LRRIQ4: variants seen among roughly 807,000 people sequenced by gnomAD.
LRRIQ4 encodes leucine rich repeats and IQ motif containing 4, also known as leucine-rich repeat and IQ domain-containing protein 4.
Under a neutral mutation model 40.1 loss-of-function variants are expected in LRRIQ4, and 21 were observed. That is an observed-to-expected ratio of 0.52 (90% confidence interval 0.37 to 0.75). The LOEUF is 0.75. Ranked by LOEUF, LRRIQ4 falls within the 30% of genes least tolerant of loss-of-function variation. The pLI is 0.00. For missense variants in LRRIQ4, 655 were observed against 660.0 expected, an observed-to-expected ratio of 0.99 and a Z score of 0.08; for synonymous variants, 277 against 277.1, an observed-to-expected ratio of 1.00 and a Z score of 0.00.
chr3:169,832,951 T>G (rs1780215165), intron 4 of LRRIQ4, 36 bp from the exon 5 acceptor site: 1 of 1,569,536 alleles, frequency 6.4e-7, no homozygotes, highest in Admixed American at 1.8e-5. Context: ...TTGTTTCTTC[T>G]AAGATTGAAC....
At chr3:169,828,956 C>G (rs1411230660) in intron 3 of LRRIQ4, 24 bp downstream of exon 3, 2 of 1,580,258 alleles carry the variant, frequency 1.3e-6, no homozygotes, top group Non-Finnish European at 1.7e-6. Flanking sequence ...AATGAGCAGG[C>G]TAAGAAGCAC....
At chr3:169,823,730 G>A (rs1779972636) in intron 2 of LRRIQ4, among the ~76,000 whole-genome samples, 1 of 152,170 alleles carries the variant, frequency 6.6e-6, no homozygotes, top group African/African-American at 2.4e-5. Context: ...AGCCTTAGAA[G>A]CCTAAAGTTC....
Position 169,830,558 on chromosome 3 carries a change from C to G in LRRIQ4, c.1261C>G (p.Pro421Ala). 1 of 1,613,446 alleles carries G rather than the reference C, an allele frequency of 6.2e-7. No homozygotes were observed. The highest frequency in any genetic ancestry group is 8.5e-7 in the Non-Finnish European group (1 of 1,179,664). Reference sequence around the variant, plus strand: ...CCTGCCCGTATCCTTGGGGTCAATGCCTAACCTAGAAGTTCTTGATTGCCG... The same window carrying G: ...CCTGCCCGTATCCTTGGGGTCAATGGCTAACCTAGAAGTTCTTGATTGCCG... ...EYLPVSLGSM[P>A]NLEVLDCRHN... Residue 421 changes from proline to alanine, a missense_variant, in exon 4 of 6, where the codon CCT (proline) becomes GCT (alanine). Transcript: ENST00000340806.
At position 169,830,377 on chromosome 3, in the gene LRRIQ4, G is replaced by GAAAAA. The variant is rs56795981; in HGVS notation, c.1195-87_1195-83dup. 506 of 106,624 alleles carry GAAAAA rather than the reference G, an allele frequency of 4.7e-3. 123 individuals carry two copies. The highest frequency in any genetic ancestry group is 7.8e-3 in the Middle Eastern group (2 of 258). The allele number at this position is 106,624 out of a possible 1,614,324, so 6.6% of individuals were successfully genotyped here. A position where few individuals can be genotyped will look rare whatever the true frequency, so the allele number is the denominator to read the frequency against. On this transcript the variant is annotated intron_variant, in intron 3 of 5. Coordinates refer to ENST00000340806, the MANE Select transcript of LRRIQ4 (RefSeq NM_001080460.3). ...AATGCGTAATTTCCCCACTGAAAGT[G>GAAAAA]AAAAAAAAAAAAAAAAAAAAAAAAA...
chr3:169,837,394 C>A, intron 5 of LRRIQ4, 85 bp from the exon 6 acceptor site: 1 of 1,402,618 alleles, frequency 7.1e-7, no homozygotes, highest in Non-Finnish European at 9.6e-7. Flanking sequence ...GTCTTCAAGA[C>A]CATGTATCAG....
Position 169,814,871 on chromosome 3 carries a change from C to T in LRRIQ4, c.-32+1825C>T, listed in dbSNP as rs559131247. 5.3e-5 allele frequency among the ~76,000 whole-genome samples: 8 copies of T among 152,244 alleles called. 1 individual carries two copies. The South Asian group carries it at 1.7e-3, about 32-fold the overall frequency. On this transcript the variant is annotated intron_variant, in intron 1 of 5. Coordinates refer to ENST00000340806, the MANE Select transcript of LRRIQ4 (RefSeq NM_001080460.3). The stretch of plus-strand genomic sequence containing the variant: ...TCTGCATATGGATATCCAGTTTTCC[C>T]AGAACCGTTATTGAAGAAACTATCT...
rs779021386 is a variant in LRRIQ4 at position 169,822,257 on chromosome 3, C to G, written c.336C>G (p.Val112=). The change falls in exon 2 of 6, where the codon GTC becomes GTG. Residue 112 remains valine, a synonymous_variant. Coordinates refer to ENST00000340806, the MANE Select transcript of LRRIQ4 (RefSeq NM_001080460.3). The part of the protein sequence containing the change: ...SYNPIFSSSL[V]VVSFLHALRE... ...ACCCCATCTTCTCCTCCTCCCTTGT[C>G]GTTGTCAGCTTCCTCCACGCCCTGC... is the stretch of plus-strand genomic sequence containing the variant. 1.9e-6 allele frequency: 3 copies of G among 1,609,728 alleles called. No individual in the cohort carries two copies. Among genetic ancestry groups the G allele is most frequent in the African/African-American group, 2.7e-5 (2 of 74,844 alleles).
chr3:169,826,732 A>G (rs1780048363), intron 2 of LRRIQ4, among the ~76,000 whole-genome samples: 1 of 152,248 alleles, frequency 6.6e-6, no homozygotes, highest in Admixed American at 6.5e-5. Flanking sequence ...TTTGGACTGC[A>G]CAGAATGCAG....
In LRRIQ4 at chr3:169,833,196, C is replaced by G. The variant is rs1419801655; in HGVS notation, c.1530+13C>G. On this transcript the variant is annotated intron_variant, in intron 5 of 5. Coordinates refer to ENST00000340806, the MANE Select transcript of LRRIQ4 (RefSeq NM_001080460.3). ...AATGGCAACAAAGGTAAAATCAGCC[C>G]AGATTCTTGATAACAGTTGCTTTAG... is the stretch of plus-strand genomic sequence containing the variant. The G allele has an allele frequency of 1.2e-6, 2 of 1,604,780 alleles. No individual in the cohort carries two copies. Among genetic ancestry groups the G allele is most frequent in the African/African-American group, 2.7e-5 (2 of 74,836 alleles).
At chr3:169,820,771 A>T (rs1779869903) in intron 1 of LRRIQ4, among the ~76,000 whole-genome samples, 1 of 152,214 alleles carries the variant, frequency 6.6e-6, no homozygotes, top group South Asian at 2.1e-4. Flanking sequence ...TCACTTAGAC[A>T]GAGTTAAGCT....
At position 169,822,945 on chromosome 3, in the gene LRRIQ4, C is replaced by CG. The variant is rs1779948845; in HGVS notation, c.1020+6dup. ...GGATGACAATAAAATAGGACAGGTA[C>CG]GGATTCCTTTTCTGGCTGTCACTAT... is the stretch of plus-strand genomic sequence containing the variant. On this transcript the variant is annotated splice_donor_region_variant and intron_variant, in intron 2 of 5. Transcript: ENST00000340806. 6.6e-7 allele frequency: 1 copy of CG among 1,512,802 alleles called. No homozygotes were observed. Among genetic ancestry groups the CG allele is most frequent in the Non-Finnish European group, 8.8e-7 (1 of 1,131,586 alleles). 93.7% of individuals were successfully genotyped at this position (1,512,802 alleles called of 1,614,324 possible).
intron 2 of LRRIQ4, among the ~76,000 whole-genome samples, chr3:169,825,249 G>T (rs1274389879): frequency 6.6e-6 from 1 of 151,844 alleles, no homozygotes. Flanking sequence ...CTCATGATCT[G>T]CCCACCTCAG....
chr3:169,821,890 G>C lies in LRRIQ4; in HGVS notation c.-31-1G>C. The stretch of plus-strand genomic sequence containing the variant: ...TTTTCATCCTTTTCACAATATTTCA[G>C]ATTTTGAATATTTGAGCTTTTCTTC... On this transcript the variant is annotated splice_acceptor_variant, in intron 1 of 5. Coordinates refer to ENST00000340806, the MANE Select transcript of LRRIQ4 (RefSeq NM_001080460.3). LOFTEE classifies it low-confidence loss of function (5UTR_SPLICE). 7.4e-7 allele frequency: 1 copy of C among 1,352,884 alleles called. No individual in the cohort carries two copies. The highest frequency in any genetic ancestry group is 9.7e-7 in the Non-Finnish European group (1 of 1,031,572). 83.8% of individuals were successfully genotyped at this position (1,352,884 alleles called of 1,614,324 possible).
At chr3:169,828,987 G>A (rs1466702289) in intron 3 of LRRIQ4, 55 bp downstream of exon 3, 1 of 1,496,770 alleles carries the variant, frequency 6.7e-7, no homozygotes, top group Non-Finnish European at 9.0e-7. Flanking sequence ...CTCTTAAATT[G>A]GCTGAAACTG....
At chr3:169,833,547 T>C (rs1165925395) in intron 5 of LRRIQ4, among the ~76,000 whole-genome samples, 1 of 152,222 alleles carries the variant, frequency 6.6e-6, no homozygotes, top group East Asian at 1.9e-4. Flanking sequence ...AAAGCGTTTA[T>C]AGATGAGAGG....
chr3:169,822,932 A>C lies in LRRIQ4; in HGVS notation c.1011A>C (p.Lys337Asn). 1 of 1,533,900 alleles carries C rather than the reference A, an allele frequency of 6.5e-7. No homozygotes were observed. The highest frequency in any genetic ancestry group is 2.3e-5 in the East Asian group (1 of 44,200). Residue 337 changes from lysine (K) to asparagine (N), a missense_variant, in exon 2 of 6, where the codon AAA becomes AAC. Coordinates refer to ENST00000340806, the MANE Select transcript of LRRIQ4 (RefSeq NM_001080460.3). Reference sequence around the variant, plus strand: ...AAGTCCTGGGACTGGATGACAATAAAATAGGACAGGTACGGATTCCTTTTC... The same window carrying C: ...AAGTCCTGGGACTGGATGACAATAACATAGGACAGGTACGGATTCCTTTTC... ...NLEVLGLDDN[K>N]IGQLPSELGS...
At chr3:169,818,834 C>T (rs1278294301) in intron 1 of LRRIQ4, among the ~76,000 whole-genome samples, 1 of 152,128 alleles carries the variant, frequency 6.6e-6, no homozygotes, top group Non-Finnish European at 1.5e-5. Context: ...ATTCTTTTAA[C>T]TAGAAATGGG....
intron 2 of LRRIQ4, 147 bp downstream of exon 2, chr3:169,823,088 A>G: frequency 1.5e-6 from 1 of 660,512 alleles, no homozygotes; most frequent in Non-Finnish European, 2.5e-6. Flanking sequence ...GATACTTTGT[A>G]TTACTCTCTT....
intron 1 of LRRIQ4, among the ~76,000 whole-genome samples, chr3:169,820,535 C>CTTTTTTTT (rs34109206): frequency 8.1e-6 from 1 of 123,600 alleles, no homozygotes; most frequent in African/African-American, 3.0e-5. Flanking sequence ...ATATTGACAT[C>CTTTTTTTT]TTTTTTTTTT....
Sources: gnomAD v4.1 joint callset for allele counts (sites outside exome capture counted in the v4.1 genomes callset) on GRCh38, gnomAD v4.1.1 for gene constraint, MANE v1.5 for transcripts, NCBI Gene and HGNC (gene_info 2026-07-23, HGNC 2026-07-21) for gene names.